RBM38: variants seen among roughly 807,000 people sequenced by gnomAD.
RBM38 encodes the protein RNA-binding protein 38.
A neutral mutation model predicts 23.5 loss-of-function variants in RBM38; 11 were observed. That is an observed-to-expected ratio of 0.47 (90% CI 0.29 to 0.77). The LOEUF (loss-of-function observed/expected upper bound fraction) is 0.77. Among genes scored for constraint, RBM38 ranks in the 30% least tolerant of loss-of-function variants. The pLI is 0.08. For synonymous variants in RBM38, 165 were observed against 166.1 expected (o/e 0.99, Z 0.05); for missense variants, 330 against 351.9 (o/e 0.94, Z 0.50).
At chr20:57,393,831 G>A (rs1164924716) in intron 3 of RBM38, among the ~76,000 whole-genome samples, 1 of 152,206 alleles carries the variant, frequency 6.6e-6, no homozygotes, top group Non-Finnish European at 1.5e-5. Context: ...GATACGATGT[G>A]TTTGGGGTGG....
intron 3 of RBM38, among the ~76,000 whole-genome samples, chr20:57,401,845 C>G (rs6064545): frequency 2.0e-5 from 3 of 152,128 alleles, no homozygotes; most frequent in Non-Finnish European, 4.4e-5. Context: ...AGGTTGAGGC[C>G]TAATAACGCA....
At chr20:57,392,925 C>T (rs1395539592) in intron 2 of RBM38, 148 bp downstream of exon 2, 6 of 1,102,710 alleles carry the variant, frequency 5.4e-6, no homozygotes, top group East Asian at 2.5e-5. Context: ...GCAGCCATCC[C>T]CCCCTCGAGG....
intron 3 of RBM38, among the ~76,000 whole-genome samples, chr20:57,403,547 G>A (rs566471657): frequency 2.0e-4 from 30 of 152,338 alleles, no homozygotes; most frequent in African/African-American, 5.8e-4. Flanking sequence ...CTTGCTCTGC[G>A]ATGGGGCAAG....
At chr20:57,395,500 T>C (rs1479456473) in intron 3 of RBM38, among the ~76,000 whole-genome samples, 1 of 152,112 alleles carries the variant, frequency 6.6e-6, no homozygotes, top group African/African-American at 2.4e-5. Context: ...ATTTAATACT[T>C]GTGACGATGA....
At chr20:57,392,800 C>T (rs2067234227) in intron 2 of RBM38, 23 bp downstream of exon 2, 2 of 1,608,472 alleles carry the variant, frequency 1.2e-6, no homozygotes, top group Non-Finnish European at 1.7e-6. Flanking sequence ...GTTTTCCTGC[C>T]TGGCTCTTCT....
intron 1 of RBM38, chr20:57,392,301 C>A (rs1218784228): frequency 5.6e-6 from 4 of 720,702 alleles, no homozygotes; most frequent in Non-Finnish European, 8.7e-6. Context: ...GCGTCGCAAA[C>A]TCCTTCTCAG....
intron 3 of RBM38, among the ~76,000 whole-genome samples, chr20:57,393,550 G>C (rs569357916): frequency 5.8e-4 from 89 of 152,322 alleles, no homozygotes; most frequent in Non-Finnish European, 9.4e-4. Flanking sequence ...TGCCTGCCTT[G>C]GTACACACCC....
At position 57,407,996 on chromosome 20, in the gene RBM38, C is replaced by T. The variant is rs557497531; in HGVS notation, c.*150C>T. ...GAAGACCGCTCGGGCATTCCGCCTG[C>T]GCCCTGGGACAGCGGAGAGACGGCT... On this transcript the variant is annotated 3_prime_UTR_variant, in exon 4 of 4. Coordinates refer to ENST00000356208, the MANE Select transcript of RBM38 (RefSeq NM_017495.6). The surrounding 1 kb of genome is among the most constrained non-coding windows in gnomAD (Gnocchi z 4.0). 1.1e-4 allele frequency: 96 copies of T among 899,526 alleles called. No homozygotes were observed. In the South Asian group the frequency reaches 1.5e-3, roughly 14 times the overall value. 55.7% of individuals were successfully genotyped at this position (899,526 alleles called of 1,614,324 possible).
At position 57,405,378 on chromosome 20, in the gene RBM38, TC is replaced by T. The variant is rs149869258; in HGVS notation, c.417-2162del. Among the ~76,000 whole-genome samples, 433 of 152,306 alleles carry T rather than the reference TC, an allele frequency of 2.8e-3. 2 individuals carry two copies. Among genetic ancestry groups the T allele is most frequent in the African/African-American group, 9.9e-3 (413 of 41,570 alleles). On this transcript the variant is annotated intron_variant, in intron 3 of 3. Coordinates refer to ENST00000356208, the MANE Select transcript of RBM38 (RefSeq NM_017495.6). ...GCCTGGCTCCGCGCGAGGCCCTTGT[TC>T]CCATGGAGGATGCAGGGTGGACAGC...
chr20:57,400,703 GATTA>G (rs1412937231), intron 3 of RBM38, among the ~76,000 whole-genome samples: 3 of 152,098 alleles, frequency 2.0e-5, no homozygotes, highest in Non-Finnish European at 2.9e-5. Context: ...CACGTGGTGG[GATTA>G]ATTCTCTGGT....
Position 57,407,508 on chromosome 20 carries a change from G to A in RBM38, c.417-35G>A, listed in dbSNP as rs3764720. On this transcript the variant is annotated intron_variant, in intron 3 of 3. Transcript: ENST00000356208. This position sits in a 1 kb window ranked among gnomAD's most constrained non-coding sequence, Gnocchi z 4.0. ...TCTCCCAGCTGTATTCCCCAACTCC[G>A]TTCTGGCCCTAACCTGCTCTGCTTG... 3,524 of 1,602,632 alleles carry A rather than the reference G, an allele frequency of 2.2e-3. 37 individuals are homozygous for A. The highest frequency in any genetic ancestry group is 0.019 in the African/African-American group (1,404 of 74,490).
chr20:57,392,415 G>A, intron 1 of RBM38: 1 of 1,525,480 alleles, frequency 6.6e-7, no homozygotes, highest in Non-Finnish European at 8.8e-7. Flanking sequence ...TTTTGTCCTT[G>A]AAGGCCACAT....
Position 57,392,608 on chromosome 20 carries a change from C to T in RBM38, c.238-46C>T, listed in dbSNP as rs753586596. ...GGCGGAGCCGTCTGCCCCTTTCGCC[C>T]CTGGTTCCCCCCACGGCAGCCCCTG... On this transcript the variant is annotated intron_variant, in intron 1 of 3. Transcript: ENST00000356208. 5.1e-6 allele frequency: 8 copies of T among 1,577,904 alleles called. No homozygotes were observed. The African/African-American group carries it at 5.4e-5, about 11-fold the overall frequency.
intron 3 of RBM38, among the ~76,000 whole-genome samples, chr20:57,395,631 G>A (rs562407685): frequency 7.6e-5 from 11 of 144,520 alleles, no homozygotes; most frequent in Non-Finnish European, 1.5e-4. Context: ...TGAGAATCGC[G>A]CCGCCTCCTG....
At chr20:57,393,195 T>C (rs1477035392) in intron 2 of RBM38, 84 bp from the exon 3 acceptor site, 1 of 1,313,374 alleles carries the variant, frequency 7.6e-7, no homozygotes. Context: ...GTGTGTGGCT[T>C]GTGGGATTCT....
At chr20:57,392,597 C>A (rs1568804789) in intron 1 of RBM38, 57 bp from the exon 2 acceptor site, 6 of 1,561,206 alleles carry the variant, frequency 3.8e-6, no homozygotes, top group Admixed American at 1.9e-5. Flanking sequence ...GAGCCGTCTG[C>A]CCCTTTCGCC....
At chr20:57,399,060 T>A (rs2067302207) in intron 3 of RBM38, among the ~76,000 whole-genome samples, 1 of 152,170 alleles carries the variant, frequency 6.6e-6, no homozygotes, top group South Asian at 2.1e-4. Context: ...ATCACAGTGC[T>A]TTCTGCAGCG....
At chr20:57,402,672 G>A (rs1037441951) in intron 3 of RBM38, among the ~76,000 whole-genome samples, 14 of 152,252 alleles carry the variant, frequency 9.2e-5, no homozygotes, top group African/African-American at 2.7e-4. Flanking sequence ...TGCCTGGTGC[G>A]TGCACCCGCT....
chr20:57,405,932 C>T lies in RBM38; in HGVS notation c.417-1611C>T, dbSNP rs569999134. ...AAAGCTGCCCAGTTTCTGTCCCTGC[C>T]GAACGCAGGAGAATGCAGGGAAGGA... On this transcript the variant is annotated intron_variant, in intron 3 of 3. Transcript: ENST00000356208. Among the ~76,000 whole-genome samples, 21 of 152,328 alleles carry T rather than the reference C, an allele frequency of 1.4e-4. No individual in the cohort carries two copies. The East Asian group carries it at 3.9e-3, about 28-fold the overall frequency.
Sources: gnomAD v4.1 joint callset for allele counts (sites outside exome capture counted in the v4.1 genomes callset) on GRCh38, gnomAD v4.1.1 for gene constraint, Gnocchi (gnomAD v3.1) non-coding constraint, MANE v1.5 for transcripts, NCBI Gene and HGNC (gene_info 2026-07-23, HGNC 2026-07-21) for gene names.